PTPRN2: variants seen among roughly 807,000 people sequenced by gnomAD.
The protein encoded by PTPRN2 is protein tyrosine phosphatase receptor type N2.
PTPRN2 carries 74 observed loss-of-function variants against 118.8 expected under a neutral mutation model. The ratio of observed to expected loss-of-function variants is 0.62; its 90% CI spans 0.52 to 0.76. The LOEUF (loss-of-function observed/expected upper bound fraction) is 0.76, where lower values mean the gene tolerates loss of function less well. Among genes scored for constraint, PTPRN2 ranks in the 30% least tolerant of loss-of-function variants. The pLI, the probability that PTPRN2 is intolerant of heterozygous loss-of-function variation, is 0.00. For synonymous variants in PTPRN2, 641 were observed against 608.0 expected, an observed-to-expected ratio of 1.05 and a Z score of -0.80; for missense variants, 1,481 against 1,394.4, an observed-to-expected ratio of 1.06 and a Z score of -0.99.
At chr7:157,685,501 AG>A (rs1797142703) in intron 12 of PTPRN2, among the ~76,000 whole-genome samples, 1 of 151,934 alleles carries the variant, frequency 6.6e-6, no homozygotes, top group Non-Finnish European at 1.5e-5. Flanking sequence ...TCCCCGAGGA[AG>A]GGGCACAGGC....
chr7:158,112,228 A>G (rs1465120207), intron 9 of PTPRN2, among the ~76,000 whole-genome samples: 1 of 152,218 alleles, frequency 6.6e-6, no homozygotes, highest in Non-Finnish European at 1.5e-5. Context: ...AGCTGGGTAG[A>G]GAAGTGGCAT....
chr7:158,404,867 C>T (rs1189235124), intron 2 of PTPRN2, among the ~76,000 whole-genome samples: 2 of 134,856 alleles, frequency 1.5e-5, no homozygotes, highest in African/African-American at 2.8e-5. Flanking sequence ...CCCCAGCCCC[C>T]AGCTCCCTGG....
At chr7:157,822,269 C>G (rs999568114) in intron 12 of PTPRN2, among the ~76,000 whole-genome samples, 1 of 151,630 alleles carries the variant, frequency 6.6e-6, no homozygotes, top group African/African-American at 2.4e-5. Context: ...ATCCATCATC[C>G]ATCCATAATA....
At chr7:157,820,604 TTC>T (rs1806774940) in intron 12 of PTPRN2, among the ~76,000 whole-genome samples, 1 of 148,120 alleles carries the variant, frequency 6.8e-6, no homozygotes, top group Non-Finnish European at 1.5e-5. Flanking sequence ...CACACACGCA[TTC>T]TTACACATGC....
intron 11 of PTPRN2, among the ~76,000 whole-genome samples, chr7:158,079,822 C>T (rs922474058): frequency 6.6e-6 from 1 of 152,162 alleles, no homozygotes; most frequent in Non-Finnish European, 1.5e-5. Context: ...ATCCCACTGA[C>T]TTTTCATGCT....
chr7:158,173,787 A>G (rs1415239505), intron 5 of PTPRN2, among the ~76,000 whole-genome samples: 1 of 152,188 alleles, frequency 6.6e-6, no homozygotes. Flanking sequence ...CCTTGCTGGG[A>G]AAAGAATTCA....
At chr7:157,593,085 CGA>C (rs1479465504) in intron 17 of PTPRN2, among the ~76,000 whole-genome samples, 6 of 149,344 alleles carry the variant, frequency 4.0e-5, no homozygotes, top group Non-Finnish European at 5.9e-5. Context: ...GTGTGGATGC[CGA>C]GAGGCTTCAC....
At chr7:157,788,781 G>T (rs2151070366) in intron 12 of PTPRN2, among the ~76,000 whole-genome samples, 1 of 152,284 alleles carries the variant, frequency 6.6e-6, no homozygotes, top group African/African-American at 2.4e-5. Flanking sequence ...CGCCATAGGG[G>T]AGGCTTCTGG....
intron 12 of PTPRN2, among the ~76,000 whole-genome samples, chr7:157,814,149 C>G (rs1159128025): frequency 1.3e-5 from 2 of 152,364 alleles, no homozygotes; most frequent in African/African-American, 4.8e-5. Flanking sequence ...GCCATCTGCT[C>G]AGGAACCCCT....
chr7:158,411,272 C>T (rs765366540), intron 2 of PTPRN2, among the ~76,000 whole-genome samples: 62 of 152,284 alleles, frequency 4.1e-4, no homozygotes, highest in Middle Eastern at 3.4e-3. Flanking sequence ...CCCTTCCCCA[C>T]GTAAAGATGT....
intron 5 of PTPRN2, among the ~76,000 whole-genome samples, chr7:158,188,277 T>C (rs113656241): frequency 0.026 from 612 of 23,442 alleles, 35 homozygotes; most frequent in Middle Eastern, 0.094. Context: ...GCCCCCTGTA[T>C]GGGGAAGGCC....
intron 2 of PTPRN2, among the ~76,000 whole-genome samples, chr7:158,340,684 C>T (rs1214316095): frequency 1.1e-5 from 1 of 94,362 alleles, no homozygotes; most frequent in Admixed American, 1.0e-4. Context: ...ACACTCTCAC[C>T]ATAAGAGGTG....
intron 12 of PTPRN2, among the ~76,000 whole-genome samples, chr7:157,710,374 C>T (rs536678396): frequency 5.0e-4 from 76 of 152,160 alleles, no homozygotes; most frequent in South Asian, 1.7e-3. Context: ...TTTGGGAGGC[C>T]GAGGCGGGAG....
chr7:158,167,025 G>T lies in PTPRN2; in HGVS notation c.816C>A (p.Pro272=). Residue 272 remains proline (P), a synonymous_variant, in exon 6 of 23, where the codon CCC becomes CCA. Coordinates refer to ENST00000389418, the MANE Select transcript of PTPRN2 (RefSeq NM_002847.5). ...CCAGCAAAGGCCTGGGCATTCTTGA[G>T]GGTGCACGCAGAAGGTACTGTGGCT... ...SLEPQYLLRA[P]SRMPRPLLAP... 1 of 1,510,688 alleles carries T rather than the reference G, an allele frequency of 6.6e-7. No homozygotes were observed. The highest frequency in any genetic ancestry group is 8.9e-7 in the Non-Finnish European group (1 of 1,127,826). 93.6% of individuals were successfully genotyped at this position (1,510,688 alleles called of 1,614,324 possible).
intron 6 of PTPRN2, among the ~76,000 whole-genome samples, chr7:158,147,274 C>T (rs866038780): frequency 2.5e-4 from 26 of 106,086 alleles, no homozygotes; most frequent in East Asian, 2.8e-4. Context: ...CCCCATCTCA[C>T]GCCACGTGTC....
chr7:158,139,591 G>C (rs1294585163), intron 6 of PTPRN2, among the ~76,000 whole-genome samples: 1 of 151,974 alleles, frequency 6.6e-6, no homozygotes, highest in African/African-American at 2.4e-5. Context: ...CAGTCACTAA[G>C]TTCCACGATA....
At position 158,431,510 on chromosome 7, in the gene PTPRN2, GAC is replaced by G. The variant is rs148087597; in HGVS notation, c.163+58223_163+58224del. Among the ~76,000 whole-genome samples, 817 of 145,260 alleles carry G rather than the reference GAC, an allele frequency of 5.6e-3. 9 individuals carry two copies. Among genetic ancestry groups the G allele is most frequent in the African/African-American group, 0.02 (769 of 38,486 alleles). On this transcript the variant is annotated intron_variant, in intron 2 of 22. Coordinates refer to ENST00000389418, the MANE Select transcript of PTPRN2 (RefSeq NM_002847.5). ...ACTGGCTTGCACTGGGCTCACACCA[GAC>G]ACACAGCAGGCACACTGGCTCACAT...
intron 2 of PTPRN2, among the ~76,000 whole-genome samples, chr7:158,404,077 T>G (rs1215519168): frequency 2.6e-5 from 4 of 152,188 alleles, no homozygotes; most frequent in Admixed American, 2.0e-4. Context: ...TCCTGGTGAT[T>G]TGCAGCCTCT....
chr7:158,306,712 T>C (rs941057702), intron 3 of PTPRN2, among the ~76,000 whole-genome samples: 3 of 152,196 alleles, frequency 2.0e-5, no homozygotes, highest in Non-Finnish European at 2.9e-5. Context: ...CACTATGTTA[T>C]TTAAAATATT....
Sources: gnomAD v4.1 joint callset for allele counts (sites outside exome capture counted in the v4.1 genomes callset) on GRCh38, gnomAD v4.1.1 for gene constraint, MANE v1.5 for transcripts, NCBI Gene and HGNC (gene_info 2026-07-23, HGNC 2026-07-21) for gene names.